DNER: variants seen among roughly 807,000 people sequenced by gnomAD.
DNER encodes the protein delta/notch like EGF repeat containing.
In DNER, 33 loss-of-function variants were observed where a neutral mutation model predicts 78.2. That is an observed-to-expected ratio of 0.42 (90% CI 0.32 to 0.56). DNER has a LOEUF of 0.56. DNER is among the 20% of genes least tolerant of loss of function. The probability of loss-of-function intolerance (pLI) is 0.11; values close to 1 mark genes in which losing one functional copy is unlikely to be tolerated. For synonymous variants in DNER, 417 were observed against 384.8 expected (o/e 1.08, Z -0.98); for missense variants, 918 against 975.3 (o/e 0.94, Z 0.78).
At chr2:229,655,981 A>G (rs1038154096) in intron 1 of DNER, among the ~76,000 whole-genome samples, 5 of 152,132 alleles carry the variant, frequency 3.3e-5, no homozygotes, top group Non-Finnish European at 2.9e-5. Context: ...ACAGCAAAGA[A>G]GAATCCTCCT....
intron 1 of DNER, among the ~76,000 whole-genome samples, chr2:229,618,855 A>G (rs375658086): frequency 5.5e-4 from 84 of 152,266 alleles, no homozygotes; most frequent in Middle Eastern, 3.4e-3. Context: ...AATTTTACAT[A>G]GCTGAACACA....
intron 8 of DNER, among the ~76,000 whole-genome samples, chr2:229,442,514 T>TAAAAAAAAAAAAAA (rs58534290): frequency 6.8e-6 from 1 of 147,148 alleles, no homozygotes. Context: ...CGCTCTGTCT[T>TAAAAAAAAAAAAAA]AAAAAAAAAA....
At chr2:229,473,527 T>A (rs1694968661) in intron 7 of DNER, among the ~76,000 whole-genome samples, 1 of 152,204 alleles carries the variant, frequency 6.6e-6, no homozygotes, top group African/African-American at 2.4e-5. Context: ...CATACAATAC[T>A]AATTTGATTC....
At chr2:229,568,483 C>T (rs1443867639) in intron 4 of DNER, among the ~76,000 whole-genome samples, 2 of 152,200 alleles carry the variant, frequency 1.3e-5, no homozygotes, top group African/African-American at 4.8e-5. Context: ...GAGTCAATCA[C>T]ACTTTAATAT....
At chr2:229,410,668 G>A (rs1410510193) in intron 9 of DNER, among the ~76,000 whole-genome samples, 2 of 152,142 alleles carry the variant, frequency 1.3e-5, no homozygotes, top group African/African-American at 2.4e-5. Flanking sequence ...TCGTATTAAG[G>A]GATGGAGAAG....
chr2:229,507,064 T>C (rs1023804775), intron 6 of DNER, among the ~76,000 whole-genome samples: 1 of 152,222 alleles, frequency 6.6e-6, no homozygotes, highest in African/African-American at 2.4e-5. Flanking sequence ...TACTGAATAC[T>C]GTAGGCAACT....
chr2:229,514,874 T>C (rs1416358122), intron 5 of DNER, among the ~76,000 whole-genome samples: 2 of 152,214 alleles, frequency 1.3e-5, no homozygotes, highest in Non-Finnish European at 2.9e-5. Context: ...AACTGCCAAA[T>C]TGTATATGGG....
At chr2:229,422,317 C>T (rs111700383) in intron 8 of DNER, among the ~76,000 whole-genome samples, 52 of 152,284 alleles carry the variant, frequency 3.4e-4, no homozygotes, top group African/African-American at 1.1e-3. Context: ...AAAAATTAGG[C>T]TAATCCAAAG....
In DNER at chr2:229,442,286, C is replaced by A. The variant is rs1694251236; in HGVS notation, c.1486+5030G>T. On this transcript the variant is annotated intron_variant, in intron 8 of 12. Transcript: ENST00000341772. The stretch of plus-strand genomic sequence containing the variant: ...ATCCCAGCACTTTGGGAGGCCAAGG[C>A]AGGCAGATCAAGAGGTCAGGAGATG... Among the ~76,000 whole-genome samples the A allele has an allele frequency of 2.6e-5, 4 of 152,236 alleles. No homozygotes were observed. In the South Asian group the frequency reaches 8.3e-4, roughly 32 times the overall value.
At chr2:229,442,215 A>G (rs1307221414) in intron 8 of DNER, among the ~76,000 whole-genome samples, 1 of 152,168 alleles carries the variant, frequency 6.6e-6, no homozygotes, top group Non-Finnish European at 1.5e-5. Flanking sequence ...CAGCATGTTA[A>G]ATATAAGAAT....
intron 1 of DNER, among the ~76,000 whole-genome samples, chr2:229,601,728 C>CT (rs1166879535): frequency 1.3e-5 from 2 of 152,282 alleles, no homozygotes; most frequent in Non-Finnish European, 2.9e-5. Context: ...TGTTTCCCTA[C>CT]TTTTTCATGC....
intron 1 of DNER, among the ~76,000 whole-genome samples, chr2:229,614,958 TTATC>T (rs1210273340): frequency 1.3e-5 from 2 of 152,178 alleles, no homozygotes; most frequent in Non-Finnish European, 2.9e-5. Flanking sequence ...TACGAAGACT[TTATC>T]TACTAGGATT....
At chr2:229,387,509 G>GAGAGAGAGAA (rs1286340836) in intron 11 of DNER, among the ~76,000 whole-genome samples, 42 of 76,176 alleles carry the variant, frequency 5.5e-4, no homozygotes, top group Admixed American at 1.1e-3. Flanking sequence ...GAAAGAAAGA[G>GAGAGAGAGAA]AGAAAGAAAG....
intron 9 of DNER, among the ~76,000 whole-genome samples, chr2:229,409,785 G>A (rs1323787808): frequency 6.6e-6 from 1 of 152,136 alleles, no homozygotes; most frequent in Non-Finnish European, 1.5e-5. Context: ...CCTGATTACG[G>A]ACAAGCAAGA....
At chr2:229,408,051 G>A (rs190705846) in intron 9 of DNER, among the ~76,000 whole-genome samples, 1 of 152,090 alleles carries the variant, frequency 6.6e-6, no homozygotes, top group East Asian at 1.9e-4. Context: ...ATTGACTGTG[G>A]AAATATACAA....
chr2:229,511,667 G>A (rs927390395), intron 6 of DNER, among the ~76,000 whole-genome samples: 1 of 152,088 alleles, frequency 6.6e-6, no homozygotes, highest in Non-Finnish European at 1.5e-5. Flanking sequence ...GTTTATCCTG[G>A]GTTTTTCTTC....
At chr2:229,526,242 T>C (rs1261344639) in intron 5 of DNER, among the ~76,000 whole-genome samples, 1 of 152,240 alleles carries the variant, frequency 6.6e-6, no homozygotes, top group Non-Finnish European at 1.5e-5. Context: ...CCTCCAATTC[T>C]GAGCAAGAAA....
intron 8 of DNER, among the ~76,000 whole-genome samples, chr2:229,421,516 C>A (rs1029405186): frequency 1.3e-5 from 2 of 149,620 alleles, no homozygotes; most frequent in Non-Finnish European, 3.0e-5. Context: ...TTACCACTAT[C>A]TGTATATCTA....
chr2:229,586,729 G>A (rs940478872), intron 3 of DNER: 11 of 985,220 alleles, frequency 1.1e-5, no homozygotes, highest in Non-Finnish European at 1.3e-5. Flanking sequence ...CCTTGGAAAT[G>A]TGTTCCTAGC....
Sources: allele counts gnomAD v4.1 joint callset (sites outside exome capture counted in the v4.1 genomes callset), GRCh38; gene constraint gnomAD v4.1.1; transcripts MANE v1.5; gene names NCBI Gene and HGNC (gene_info 2026-07-23, HGNC 2026-07-21).